Variants in KCNT2 observed in about 807,000 individuals in gnomAD.
KCNT2 encodes potassium channel subfamily T member 2.
KCNT2 carries 67 observed loss-of-function variants against 153.8 expected under a neutral mutation model. That is an observed-to-expected ratio of 0.44 (90% CI 0.36 to 0.53). KCNT2 has a LOEUF of 0.53. KCNT2 is among the 20% of genes least tolerant of loss of function. KCNT2 has a pLI of 0.00. For synonymous variants in KCNT2, 500 were observed against 458.8 expected (o/e 1.09, Z -1.15); for missense variants, 975 against 1,354.8 (o/e 0.72, Z 4.40).
intron 14 of KCNT2, among the ~76,000 whole-genome samples, chr1:196,344,625 A>G (rs906958113): frequency 7.9e-5 from 12 of 152,176 alleles, no homozygotes; most frequent in African/African-American, 2.9e-4. Context: ...TTGAGATCCA[A>G]AAGCCAGCAT....
intron 22 of KCNT2, among the ~76,000 whole-genome samples, chr1:196,299,516 G>C (rs1660985403): frequency 6.6e-6 from 1 of 152,010 alleles, no homozygotes; most frequent in Non-Finnish European, 1.5e-5. Flanking sequence ...AATCATAACG[G>C]AAATGTAAAT....
intron 25 of KCNT2, among the ~76,000 whole-genome samples, chr1:196,259,146 G>A (rs1389661876): frequency 1.3e-5 from 2 of 152,050 alleles, no homozygotes; most frequent in Non-Finnish European, 2.9e-5. Context: ...TATTCTGAGT[G>A]AAAATATGTT....
chr1:196,335,415 C>T (rs1664925183), intron 16 of KCNT2, among the ~76,000 whole-genome samples: 1 of 152,106 alleles, frequency 6.6e-6, no homozygotes, highest in Admixed American at 6.6e-5. Flanking sequence ...TGCCCCTAGG[C>T]TATATGGTAT....
At chr1:196,364,583 A>G (rs1251944671) in intron 14 of KCNT2, among the ~76,000 whole-genome samples, 1 of 152,098 alleles carries the variant, frequency 6.6e-6, no homozygotes, top group Non-Finnish European at 1.5e-5. Flanking sequence ...CTTAAGCTTA[A>G]ATGCTCATGA....
intron 20 of KCNT2, chr1:196,317,118 T>A: frequency 3.9e-6 from 1 of 255,032 alleles, no homozygotes; most frequent in South Asian, 3.7e-5. Flanking sequence ...ATTTTCCTTT[T>A]ATGGGAAGGC....
chr1:196,409,661 A>T (rs1672121055), intron 12 of KCNT2, among the ~76,000 whole-genome samples: 1 of 151,672 alleles, frequency 6.6e-6, no homozygotes, highest in Non-Finnish European at 1.5e-5. Flanking sequence ...ATGTAGGTCT[A>T]TTGGCAGTAT....
At chr1:196,266,907 A>G (rs898462587) in intron 25 of KCNT2, among the ~76,000 whole-genome samples, 5 of 152,212 alleles carry the variant, frequency 3.3e-5, no homozygotes, top group African/African-American at 1.2e-4. Context: ...CTCTTTTGAT[A>G]GCCTCTTACA....
intron 1 of KCNT2, among the ~76,000 whole-genome samples, chr1:196,551,258 A>C (rs1313982681): frequency 6.6e-6 from 1 of 151,838 alleles, no homozygotes; most frequent in East Asian, 1.9e-4. Context: ...AAAGGCACTA[A>C]GTAGTATAGC....
intron 10 of KCNT2, 81 bp from the exon 11 acceptor site, chr1:196,426,069 A>C (rs1313893085): frequency 9.3e-7 from 1 of 1,074,800 alleles, no homozygotes; most frequent in Non-Finnish European, 1.3e-6. Flanking sequence ...ATATCTAAGA[A>C]AAATTTGAAA....
At chr1:196,263,402 T>C (rs549654512) in intron 25 of KCNT2, among the ~76,000 whole-genome samples, 3 of 152,118 alleles carry the variant, frequency 2.0e-5, no homozygotes, top group Non-Finnish European at 2.9e-5. Flanking sequence ...AACCAAACAC[T>C]GCATATTCTC....
intron 22 of KCNT2, among the ~76,000 whole-genome samples, chr1:196,286,073 A>C (rs561019098): frequency 1.3e-5 from 2 of 152,272 alleles, no homozygotes; most frequent in East Asian, 3.9e-4. Context: ...TGAAAAAAAA[A>C]CTAACGTCAC....
chr1:196,258,776 A>G (rs1416940869), intron 25 of KCNT2: 10 of 367,952 alleles, frequency 2.7e-5, no homozygotes, highest in Non-Finnish European at 5.1e-5. Flanking sequence ...TACTTAGCAT[A>G]CATAGTTATT....
intron 4 of KCNT2, among the ~76,000 whole-genome samples, chr1:196,481,921 A>G (rs1679052390): frequency 6.6e-6 from 1 of 152,150 alleles, no homozygotes; most frequent in Admixed American, 6.5e-5. Context: ...TTCATTCATT[A>G]AATAATTATT....
chr1:196,284,089 G>A (rs1194293910), intron 23 of KCNT2, among the ~76,000 whole-genome samples: 2 of 149,512 alleles, frequency 1.3e-5, no homozygotes, highest in African/African-American at 2.4e-5. Flanking sequence ...AAATTAGCCA[G>A]ATGTAATGGT....
At chr1:196,348,640 A>T (rs1380697275) in intron 14 of KCNT2, among the ~76,000 whole-genome samples, 5 of 152,248 alleles carry the variant, frequency 3.3e-5, no homozygotes, top group South Asian at 2.1e-4. Context: ...CTCGGATTTT[A>T]AAAAAAGTTA....
intron 1 of KCNT2, among the ~76,000 whole-genome samples, chr1:196,561,793 CAA>C (rs1659452592): frequency 6.6e-6 from 1 of 151,120 alleles, no homozygotes; most frequent in Non-Finnish European, 1.5e-5. Context: ...TTTAGGCAGA[CAA>C]GAGATAAGAT....
At chr1:196,588,973 G>A (rs1250913266) in intron 1 of KCNT2, among the ~76,000 whole-genome samples, 1 of 151,680 alleles carries the variant, frequency 6.6e-6, no homozygotes, top group East Asian at 1.9e-4. Flanking sequence ...CCCCCAAAAA[G>A]CCTATAAGTA....
chr1:196,377,121 A>G (rs1298843907), intron 13 of KCNT2, among the ~76,000 whole-genome samples: 1 of 151,984 alleles, frequency 6.6e-6, no homozygotes, highest in Non-Finnish European at 1.5e-5. Context: ...TGGTAATGAT[A>G]TGATCTAAGT....
At chr1:196,405,692 C>T (rs1440351964) in intron 12 of KCNT2, among the ~76,000 whole-genome samples, 3 of 151,412 alleles carry the variant, frequency 2.0e-5, no homozygotes, top group African/African-American at 4.8e-5. Flanking sequence ...ACTTTCCTTT[C>T]GATTTTTAAT....
Sources: allele counts gnomAD v4.1 joint callset (sites outside exome capture counted in the v4.1 genomes callset), GRCh38; gene constraint gnomAD v4.1.1; transcripts MANE v1.5; gene names NCBI Gene and HGNC (gene_info 2026-07-23, HGNC 2026-07-21).